FARP1: variants seen among roughly 807,000 people sequenced by gnomAD.
FARP1 encodes the protein FERM, ARH/RhoGEF and pleckstrin domain protein 1, also known as FERM, ARHGEF and pleckstrin domain-containing protein 1.
Under a neutral mutation model 128.8 loss-of-function variants are expected in FARP1, and 52 were observed. The observed-to-expected ratio is 0.40, with a 90% CI of 0.32 to 0.51. The LOEUF is 0.51. FARP1 is among the 20% of genes least tolerant of loss of function. FARP1 has a pLI of 0.45. For synonymous variants in FARP1, 580 were observed against 551.8 expected, an observed-to-expected ratio of 1.05 and a Z score of -0.72; for missense variants, 1,333 against 1,367.9, an observed-to-expected ratio of 0.97 and a Z score of 0.40.
intron 2 of FARP1, among the ~76,000 whole-genome samples, chr13:98,314,119 G>C (rs866963239): frequency 6.6e-6 from 1 of 152,008 alleles, no homozygotes; most frequent in Non-Finnish European, 1.5e-5. Flanking sequence ...GGAGGCTTGG[G>C]GTTGAACACT....
At chr13:98,386,185 T>C (rs1298027106) in intron 8 of FARP1, among the ~76,000 whole-genome samples, 4 of 132,094 alleles carry the variant, frequency 3.0e-5, no homozygotes, top group Admixed American at 1.5e-4. Flanking sequence ...TGTAATGTGA[T>C]CCTTTTTTTT....
chr13:98,248,119 C>T (rs538510860), intron 2 of FARP1, among the ~76,000 whole-genome samples: 2 of 152,248 alleles, frequency 1.3e-5, no homozygotes, highest in East Asian at 1.9e-4. Flanking sequence ...GGTGCAATCC[C>T]GTCCAGCCCA....
At chr13:98,231,985 G>T (rs1210431904) in intron 2 of FARP1, among the ~76,000 whole-genome samples, 3 of 151,686 alleles carry the variant, frequency 2.0e-5, no homozygotes, top group African/African-American at 7.3e-5. Flanking sequence ...TCGTCACCAC[G>T]CCCAGCTAAT....
chr13:98,417,454 T>TG (rs201387456), intron 16 of FARP1, among the ~76,000 whole-genome samples: 988 of 48,642 alleles, frequency 0.02, 48 homozygotes, highest in African/African-American at 0.077. Flanking sequence ...ACCAGAGGTT[T>TG]GAAAAAAAAA....
intron 1 of FARP1, among the ~76,000 whole-genome samples, chr13:98,157,489 C>T (rs1323985021): frequency 5.3e-5 from 8 of 152,176 alleles, no homozygotes; most frequent in East Asian, 1.9e-4. Context: ...CTAAGGCTAA[C>T]GTCTCCTCCC....
intron 2 of FARP1, among the ~76,000 whole-genome samples, chr13:98,262,395 TG>T (rs1448576298): frequency 6.6e-6 from 1 of 152,114 alleles, no homozygotes; most frequent in East Asian, 1.9e-4. Context: ...CACCCTCAGC[TG>T]GTTTTTGGGA....
At chr13:98,415,554 C>T (rs1290078385) in intron 16 of FARP1, among the ~76,000 whole-genome samples, 2 of 152,224 alleles carry the variant, frequency 1.3e-5, no homozygotes, top group African/African-American at 2.4e-5. Context: ...CACAGAGAGC[C>T]GTGTCCTCTC....
rs183786144 is a variant in FARP1, at chr13:98,256,190, T to C, written c.171+42777T>C. The stretch of plus-strand genomic sequence containing the variant: ...ACCTAAGTTACGGTTCATCATTCTA[T>C]ACAGGTATTAAAATGTTGATAAACA... On this transcript the variant is annotated intron_variant, in intron 2 of 26. Coordinates refer to ENST00000319562, the MANE Select transcript of FARP1 (RefSeq NM_005766.4). Among the ~76,000 whole-genome samples, 7 of 152,348 alleles carry C rather than the reference T, an allele frequency of 4.6e-5. No individual in the cohort carries two copies. The East Asian group carries it at 1.2e-3, about 25-fold the overall frequency.
chr13:98,186,948 C>T (rs756451788), intron 1 of FARP1, among the ~76,000 whole-genome samples: 11 of 142,316 alleles, frequency 7.7e-5, no homozygotes, highest in East Asian at 4.7e-4. Flanking sequence ...GCCAAGATCG[C>T]GCCACTGCAC....
At chr13:98,388,614 C>T (rs184116663) in intron 9 of FARP1, 136 bp downstream of exon 9, 60 of 668,048 alleles carry the variant, frequency 9.0e-5, no homozygotes, top group African/African-American at 5.4e-4. Context: ...TCCACATGAA[C>T]GCCGAGCGTC....
In FARP1 at chr13:98,153,288, A is replaced by ATATATAAAAATATATATT. The variant is rs1566669626; in HGVS notation, c.-24+9802_-24+9803insAAAATATATATTTATATA. On this transcript the variant is annotated intron_variant, in intron 1 of 26. Transcript: ENST00000319562. ...ATAATAACCTTTATATATATATAAAATATATATAAATATATTTATATATAA... is the reference window on the plus strand; with the variant it reads ...ATAATAACCTTTATATATATATAAAATATATAAAAATATATATTTATATATAAATATATTTATATATAA... 2.4e-4 allele frequency among the ~76,000 whole-genome samples: 3 copies of ATATATAAAAATATATATT among 12,670 alleles called. No individual in the cohort carries two copies. In the Admixed American group the frequency reaches 6.9e-3, roughly 29 times the overall value. The allele number at this position is 12,670 out of a possible 152,430, so 8.3% of individuals were successfully genotyped here.
intron 1 of FARP1, among the ~76,000 whole-genome samples, chr13:98,201,383 A>G (rs139209243): frequency 7.9e-5 from 12 of 152,364 alleles, no homozygotes; most frequent in South Asian, 2.1e-4. Context: ...TAGAGGTTAC[A>G]GTGAGCAGTG....
At chr13:98,375,875 C>T (rs919020083) in intron 5 of FARP1, among the ~76,000 whole-genome samples, 1 of 152,072 alleles carries the variant, frequency 6.6e-6, no homozygotes, top group Non-Finnish European at 1.5e-5. Flanking sequence ...GTGATCCACC[C>T]GCCTCGGCCT....
chr13:98,194,935 T>C (rs1879477163), intron 1 of FARP1, among the ~76,000 whole-genome samples: 1 of 152,244 alleles, frequency 6.6e-6, no homozygotes, highest in Non-Finnish European at 1.5e-5. Context: ...TTATTCAGAA[T>C]GTGCTTGGAC....
intron 18 of FARP1, 151 bp downstream of exon 18, chr13:98,431,431 A>G: frequency 1.9e-6 from 1 of 525,400 alleles, no homozygotes; most frequent in Non-Finnish European, 3.4e-6. Flanking sequence ...GCCGGTTTTT[A>G]TTCCTGCTCT....
intron 2 of FARP1, among the ~76,000 whole-genome samples, chr13:98,342,078 G>C (rs528546248): frequency 6.6e-6 from 1 of 152,256 alleles, no homozygotes; most frequent in African/African-American, 2.4e-5. Context: ...AGGCATTGTG[G>C]ATACAGGGAT....
At chr13:98,334,573 A>G (rs1887660631) in intron 2 of FARP1, among the ~76,000 whole-genome samples, 1 of 152,236 alleles carries the variant, frequency 6.6e-6, no homozygotes, top group Non-Finnish European at 1.5e-5. Flanking sequence ...ATAGCATAAA[A>G]TAGCATCTCT....
chr13:98,252,100 G>A (rs1284917422), intron 2 of FARP1, among the ~76,000 whole-genome samples: 1 of 152,070 alleles, frequency 6.6e-6, no homozygotes, highest in African/African-American at 2.4e-5. Context: ...TGCCCTCTTC[G>A]GCCTCCCAAA....
chr13:98,301,671 G>A (rs116472652), intron 2 of FARP1, among the ~76,000 whole-genome samples: 2,008 of 152,210 alleles, frequency 0.013, 43 homozygotes, highest in African/African-American at 0.045. Flanking sequence ...TGTTTTGATC[G>A]TATAAACCTT....
Sources: gnomAD v4.1 joint callset for allele counts (sites outside exome capture counted in the v4.1 genomes callset) on GRCh38, gnomAD v4.1.1 for gene constraint, MANE v1.5 for transcripts, NCBI Gene and HGNC (gene_info 2026-07-23, HGNC 2026-07-21) for gene names.